The following TENM3 variants were observed in gnomAD, a reference collection of about 807,000 sequenced individuals.
TENM3 encodes teneurin-3.
TENM3 carries 63 observed loss-of-function variants against 255.1 expected under a neutral mutation model. The observed-to-expected ratio is 0.25, with a 90% CI of 0.20 to 0.30. The LOEUF is 0.30. Ranked by LOEUF, TENM3 falls within the 10% of genes least tolerant of loss-of-function variation. The probability of loss-of-function intolerance (pLI) is 1.00; values close to 1 mark genes in which losing one functional copy is unlikely to be tolerated. For missense variants in TENM3, 2,929 were observed against 3,461.1 expected, an observed-to-expected ratio of 0.85 and a Z score of 3.86; for synonymous variants, 1,306 against 1,322.3, an observed-to-expected ratio of 0.99 and a Z score of 0.27.
At chr4:181,489,541 T>A in the TENM3 span, among the ~76,000 whole-genome samples, 3 of 152,332 alleles carry the variant, frequency 2.0e-5, no homozygotes, top group East Asian at 5.8e-4. Context: ...GAGCTCTGTT[T>A]GAATCATCTG....
the TENM3 span, among the ~76,000 whole-genome samples, chr4:181,528,184 T>C: frequency 6.6e-6 from 1 of 152,318 alleles, no homozygotes; most frequent in Non-Finnish European, 1.5e-5. Flanking sequence ...TACATATTTG[T>C]ATATTGGACG....
the TENM3 span, among the ~76,000 whole-genome samples, chr4:181,768,654 G>A: frequency 3.9e-5 from 6 of 151,968 alleles, no homozygotes; most frequent in South Asian, 2.1e-4. Context: ...AAAATGCTGT[G>A]CCTTTTTTTT....
At position 182,170,720 on chromosome 4, in the gene TENM3, A is replaced by C. The variant is rs987267126; in HGVS notation, c.-76+25966A>C. ...CTTTTTCCAAGTAAAAAGAAAAAAAACCACAAAGCTCCTGTAAGATTTATA... is the reference window on the plus strand; with the variant it reads ...CTTTTTCCAAGTAAAAAGAAAAAAACCCACAAAGCTCCTGTAAGATTTATA... On this transcript the variant is annotated intron_variant, in intron 1 of 2. Coordinates refer to the TENM3 transcript ENST00000512480. 2.6e-5 allele frequency among the ~76,000 whole-genome samples: 4 copies of C among 152,200 alleles called. 1 individual carries two copies. Among genetic ancestry groups the C allele is most frequent in the South Asian group, 2.1e-4 (1 of 4,834 alleles).
the TENM3 span, among the ~76,000 whole-genome samples, chr4:181,903,063 A>T: frequency 1.3e-5 from 2 of 152,148 alleles, no homozygotes; most frequent in African/African-American, 4.8e-5. Flanking sequence ...TTTATCCATG[A>T]GTGGTTTCCT....
chr4:182,104,852 T>TC, the TENM3 span, among the ~76,000 whole-genome samples: 1 of 152,062 alleles, frequency 6.6e-6, no homozygotes, highest in Non-Finnish European at 1.5e-5. Flanking sequence ...CAGGTTATTT[T>TC]CTCCTAAGAT....
At chr4:181,711,474 G>A in the TENM3 span, among the ~76,000 whole-genome samples, 1 of 152,116 alleles carries the variant, frequency 6.6e-6, no homozygotes, top group African/African-American at 2.4e-5. Context: ...TTCTGAAGCT[G>A]AATCTATTTG....
chr4:181,547,970 C>A, the TENM3 span, among the ~76,000 whole-genome samples: 15 of 151,978 alleles, frequency 9.9e-5, no homozygotes, highest in Non-Finnish European at 1.8e-4. Context: ...TCCCCCCACC[C>A]CACAACAGGC....
the TENM3 span, among the ~76,000 whole-genome samples, chr4:181,457,483 G>A: frequency 1.3e-5 from 2 of 151,762 alleles, no homozygotes; most frequent in South Asian, 4.2e-4. Flanking sequence ...TCACTTCAGG[G>A]GAAGTTCAAG....
intron 1 of TENM3, among the ~76,000 whole-genome samples, chr4:182,188,617 G>A (rs1753317466): frequency 6.6e-6 from 1 of 152,150 alleles, no homozygotes; most frequent in African/African-American, 2.4e-5. Flanking sequence ...GAGCTATTCT[G>A]TTCTTTTGTA....
chr4:182,199,672 G>A (rs1754056385), intron 1 of TENM3, among the ~76,000 whole-genome samples: 1 of 150,324 alleles, frequency 6.7e-6, no homozygotes, highest in Non-Finnish European at 1.5e-5. Context: ...CACTTGACGT[G>A]GTACTATAGA....
chr4:181,893,487 G>GCCCCCCCCCCCCC, the TENM3 span, among the ~76,000 whole-genome samples: 1 of 74,690 alleles, frequency 1.3e-5, no homozygotes, highest in African/African-American at 4.1e-5. Context: ...ACTTTCCCCT[G>GCCCCCCCCCCCCC]CCCACCCCCC....
chr4:182,613,509 G>T (rs2152435233), intron 4 of TENM3, among the ~76,000 whole-genome samples: 1 of 152,204 alleles, frequency 6.6e-6, no homozygotes, highest in Admixed American at 6.5e-5. Flanking sequence ...TCATATTGTA[G>T]TCCTATACTT....
At chr4:182,771,345 C>T (rs1764189390) in intron 22 of TENM3, among the ~76,000 whole-genome samples, 1 of 152,114 alleles carries the variant, frequency 6.6e-6, no homozygotes, top group Non-Finnish European at 1.5e-5. Context: ...AGCTAGAGTT[C>T]CCAGCTTTAA....
At chr4:181,804,770 G>C in the TENM3 span, among the ~76,000 whole-genome samples, 35 of 152,248 alleles carry the variant, frequency 2.3e-4, no homozygotes, top group African/African-American at 8.2e-4. Context: ...AGCTACTCAG[G>C]AGCCTGAGGC....
At chr4:181,830,463 G>C in the TENM3 span, among the ~76,000 whole-genome samples, 1 of 151,830 alleles carries the variant, frequency 6.6e-6, no homozygotes, top group African/African-American at 2.4e-5. Context: ...AGTAGAGATG[G>C]GGTTTCACCA....
upstream of TENM3, among the ~76,000 whole-genome samples, chr4:182,241,184 T>C (rs969492632): frequency 2.6e-5 from 4 of 152,214 alleles, no homozygotes; most frequent in African/African-American, 9.6e-5. Flanking sequence ...TGGTTTACCA[T>C]TGGCTTCCCA....
chr4:181,611,040 CAG>C, the TENM3 span, among the ~76,000 whole-genome samples: 1 of 152,164 alleles, frequency 6.6e-6, no homozygotes. Flanking sequence ...TTTCACAAGT[CAG>C]AGAGTTATCT....
chr4:182,004,313 C>T, the TENM3 span, among the ~76,000 whole-genome samples: 25 of 152,120 alleles, frequency 1.6e-4, no homozygotes, highest in South Asian at 2.5e-3. Flanking sequence ...TGAAAACATG[C>T]GGTGTTTGGT....
chr4:182,138,653 C>T, the TENM3 span, among the ~76,000 whole-genome samples: 2 of 152,162 alleles, frequency 1.3e-5, no homozygotes, highest in Non-Finnish European at 1.5e-5. Flanking sequence ...TGGAGGACGA[C>T]AGGGTTTTAT....
Sources: allele counts gnomAD v4.1 joint callset (sites outside exome capture counted in the v4.1 genomes callset), GRCh38; gene constraint gnomAD v4.1.1; transcripts MANE v1.5; gene names NCBI Gene and HGNC (gene_info 2026-07-23, HGNC 2026-07-21).